Variants in NDUFS4 observed in about 807,000 individuals in gnomAD.
NDUFS4 encodes NADH:ubiquinone oxidoreductase subunit S4, also known as NADH dehydrogenase [ubiquinone] iron-sulfur protein 4, mitochondrial.
Under a neutral mutation model 24.3 loss-of-function variants are expected in NDUFS4, and 28 were observed. The ratio of observed to expected loss-of-function variants is 1.15; its 90% CI spans 0.85 to 1.58. The LOEUF is 1.58. Among genes scored for constraint, NDUFS4 ranks in the 40% most tolerant of loss-of-function variants. The pLI, the probability that NDUFS4 is intolerant of heterozygous loss-of-function variation, is 0.00. For missense variants in NDUFS4, 223 were observed against 207.9 expected, an observed-to-expected ratio of 1.07 and a Z score of -0.45; for synonymous variants, 93 against 69.7, an observed-to-expected ratio of 1.34 and a Z score of -1.67.
chr5:53,645,508 A>G (rs1308361103), intron 2 of NDUFS4, among the ~76,000 whole-genome samples: 1 of 152,230 alleles, frequency 6.6e-6, no homozygotes, highest in African/African-American at 2.4e-5. Flanking sequence ...GTGCATTTTC[A>G]AAATGAGCAT....
intron 1 of NDUFS4, among the ~76,000 whole-genome samples, chr5:53,569,406 G>A (rs1444100973): frequency 1.3e-5 from 2 of 151,730 alleles, no homozygotes; most frequent in African/African-American, 4.8e-5. Context: ...TATTTTGGCA[G>A]GCAAGGTTAC....
intron 1 of NDUFS4, among the ~76,000 whole-genome samples, chr5:53,580,716 T>TCC (rs1430013756): frequency 1.2e-3 from 152 of 125,490 alleles, no homozygotes; most frequent in Middle Eastern, 4.6e-3. Context: ...TCCTTTCCTT[T>TCC]TCCTTTTCCT....
intron 1 of NDUFS4, among the ~76,000 whole-genome samples, chr5:53,576,670 A>G (rs1466555193): frequency 6.6e-6 from 1 of 152,214 alleles, no homozygotes; most frequent in Non-Finnish European, 1.5e-5. Flanking sequence ...ATACTGCTGT[A>G]TCGTATGAAT....
chr5:53,606,170 C>CGAGA (rs1434388814), intron 2 of NDUFS4, among the ~76,000 whole-genome samples: 1 of 151,920 alleles, frequency 6.6e-6, no homozygotes, highest in African/African-American at 2.4e-5. Context: ...GGTGACAGAG[C>CGAGA]GAGACTCTGT....
chr5:53,607,400 C>A (rs888242762), intron 2 of NDUFS4, among the ~76,000 whole-genome samples: 2 of 152,088 alleles, frequency 1.3e-5, no homozygotes, highest in Non-Finnish European at 2.9e-5. Context: ...TGCCACAAAT[C>A]TCAGCATCAC....
At chr5:53,561,675 G>C (rs1362551761) in intron 1 of NDUFS4, among the ~76,000 whole-genome samples, 2 of 152,162 alleles carry the variant, frequency 1.3e-5, no homozygotes, top group African/African-American at 4.8e-5. Context: ...GGAGGTGGAT[G>C]CAAGTGGTTA....
chr5:53,589,497 T>C (rs920053084), intron 1 of NDUFS4, among the ~76,000 whole-genome samples: 2 of 152,238 alleles, frequency 1.3e-5, no homozygotes, highest in African/African-American at 2.4e-5. Flanking sequence ...TGCTGGATAA[T>C]GTCATTTCCC....
At chr5:53,681,882 T>G (rs1740676957) in intron 4 of NDUFS4, among the ~76,000 whole-genome samples, 5 of 152,142 alleles carry the variant, frequency 3.3e-5, no homozygotes, top group Admixed American at 3.3e-4. Context: ...TTGAGTTCCA[T>G]AGGCTTAACT....
intron 1 of NDUFS4, among the ~76,000 whole-genome samples, chr5:53,601,964 G>C (rs1487909178): frequency 6.6e-6 from 1 of 152,044 alleles, no homozygotes; most frequent in Admixed American, 6.5e-5. Context: ...TTTATCATAG[G>C]TGTGTATGTA....
At chr5:53,645,366 C>G (rs1359336194) in intron 2 of NDUFS4, among the ~76,000 whole-genome samples, 1 of 152,082 alleles carries the variant, frequency 6.6e-6, no homozygotes, top group Non-Finnish European at 1.5e-5. Context: ...TAAATAACTC[C>G]CACATGCTTA....
chr5:53,671,741 A>C (rs139684508), intron 4 of NDUFS4, among the ~76,000 whole-genome samples: 2 of 152,144 alleles, frequency 1.3e-5, no homozygotes, highest in Non-Finnish European at 1.5e-5. Flanking sequence ...GAGGAGGTAG[A>C]AGACAGCTGT....
intron 4 of NDUFS4, among the ~76,000 whole-genome samples, chr5:53,675,108 A>G (rs954940023): frequency 2.0e-5 from 3 of 150,248 alleles, no homozygotes; most frequent in African/African-American, 4.9e-5. Flanking sequence ...AGATTACTCA[A>G]TTTACATAAT....
intron 2 of NDUFS4, among the ~76,000 whole-genome samples, chr5:53,632,977 C>G (rs556417062): frequency 1.3e-5 from 2 of 152,250 alleles, no homozygotes; most frequent in East Asian, 3.9e-4. Flanking sequence ...TACTAACACC[C>G]TTGACATACT....
chr5:53,641,197 T>C (rs1042627351), intron 2 of NDUFS4, among the ~76,000 whole-genome samples: 1 of 152,260 alleles, frequency 6.6e-6, no homozygotes, highest in Non-Finnish European at 1.5e-5. Context: ...ATTTCATACA[T>C]GATGAAAAAG....
At chr5:53,615,421 T>A (rs1241669622) in intron 2 of NDUFS4, among the ~76,000 whole-genome samples, 2 of 151,996 alleles carry the variant, frequency 1.3e-5, no homozygotes, top group African/African-American at 4.8e-5. Flanking sequence ...ACTTTAAAAT[T>A]TGAGACTAGC....
chr5:53,563,630 T>C (rs1463879815), intron 1 of NDUFS4, among the ~76,000 whole-genome samples: 1 of 151,630 alleles, frequency 6.6e-6, no homozygotes, highest in African/African-American at 2.4e-5. Flanking sequence ...GCCTCCAGAG[T>C]AGCTGGGATT....
chr5:53,673,851 TC>T (rs1277783260), intron 4 of NDUFS4, among the ~76,000 whole-genome samples: 1 of 152,162 alleles, frequency 6.6e-6, no homozygotes, highest in Non-Finnish European at 1.5e-5. Flanking sequence ...CACATAACTT[TC>T]TATAGCTATA....
chr5:53,607,979 AAT>A lies in NDUFS4; in HGVS notation c.177+4450_177+4451del, dbSNP rs539282391. ...TACATAACTGGCTTATTTTACATTA[AAT>A]TTATATTGTTTTCTTCATTTTAATT... On this transcript the variant is annotated intron_variant, in intron 2 of 4. Transcript: ENST00000296684. 2.4e-4 allele frequency among the ~76,000 whole-genome samples: 36 copies of A among 152,200 alleles called. No homozygotes were observed. In the East Asian group the frequency reaches 6.8e-3, roughly 29 times the overall value.
intron 2 of NDUFS4, among the ~76,000 whole-genome samples, chr5:53,635,730 C>T (rs887292472): frequency 6.6e-6 from 1 of 152,108 alleles, no homozygotes; most frequent in Non-Finnish European, 1.5e-5. Context: ...CTTCGTTAAG[C>T]ATATTTTTCA....
Sources: allele counts gnomAD v4.1 joint callset (sites outside exome capture counted in the v4.1 genomes callset), GRCh38; gene constraint gnomAD v4.1.1; transcripts MANE v1.5; gene names NCBI Gene and HGNC (gene_info 2026-07-23, HGNC 2026-07-21).